The following PPP6R3 variants were observed in gnomAD, a reference collection of about 807,000 sequenced individuals.
PPP6R3 encodes serine/threonine-protein phosphatase 6 regulatory subunit 3.
A neutral mutation model predicts 110.7 loss-of-function variants in PPP6R3; 38 were observed. That is an observed-to-expected ratio of 0.34 (90% CI 0.26 to 0.45). The LOEUF (loss-of-function observed/expected upper bound fraction) is 0.45. Ranked by LOEUF, PPP6R3 falls within the 20% of genes least tolerant of loss-of-function variation. PPP6R3 has a pLI of 1.00. For missense variants in PPP6R3, 870 were observed against 1,062.4 expected (o/e 0.82, Z 2.52); for synonymous variants, 369 against 373.5 (o/e 0.99, Z 0.14).
At chr11:68,493,974 G>A (rs1353868335) in intron 1 of PPP6R3, among the ~76,000 whole-genome samples, 1 of 151,288 alleles carries the variant, frequency 6.6e-6, no homozygotes. Flanking sequence ...GTGGTGGCGG[G>A]AGCCTGTAGT....
chr11:68,513,063 C>CA (rs2099118575), intron 1 of PPP6R3, among the ~76,000 whole-genome samples: 1 of 152,084 alleles, frequency 6.6e-6, no homozygotes, highest in African/African-American at 2.4e-5. Flanking sequence ...TATACACCAG[C>CA]AGCCCCCTTG....
chr11:68,581,681 C>T (rs1361008390), intron 14 of PPP6R3, among the ~76,000 whole-genome samples: 4 of 152,200 alleles, frequency 2.6e-5, no homozygotes, highest in African/African-American at 9.7e-5. Flanking sequence ...ATTCCCACTC[C>T]TCCTCTACAC....
intron 2 of PPP6R3, among the ~76,000 whole-genome samples, chr11:68,530,707 T>C (rs2099234000): frequency 6.6e-6 from 1 of 152,212 alleles, no homozygotes; most frequent in Non-Finnish European, 1.5e-5. Flanking sequence ...CCTGTTTGGG[T>C]TCTGTCTTGA....
chr11:68,544,985 C>T lies in PPP6R3; in HGVS notation c.375C>T (p.Ser125=), dbSNP rs2099343799. ...PLNPLLASFF[S]KVLSILISRK... is the part of the protein sequence containing the mutation. Reference sequence around the variant, plus strand: ...ATCCACTACTTGCCAGTTTCTTCAGCAAGGTGCTAAGTATTCTTATCAGCA... The same window carrying T: ...ATCCACTACTTGCCAGTTTCTTCAGTAAGGTGCTAAGTATTCTTATCAGCA... The change falls in exon 4 of 24, where the codon AGC becomes AGT. Residue 125 remains serine (S), a synonymous_variant. Coordinates refer to ENST00000393800, the MANE Select transcript of PPP6R3 (RefSeq NM_001164161.2). 6.2e-7 allele frequency: 1 copy of T among 1,609,796 alleles called. No homozygotes were observed. The highest frequency in any genetic ancestry group is 1.3e-5 in the African/African-American group (1 of 74,802).
chr11:68,509,470 A>ATT (rs34228704), intron 1 of PPP6R3, among the ~76,000 whole-genome samples: 28,941 of 116,242 alleles, frequency 0.25, 3,451 homozygotes, highest in Middle Eastern at 0.32. Context: ...TTACTTCTCT[A>ATT]TTTTTTTTTT....
In PPP6R3 at chr11:68,564,286, C is replaced by G; in HGVS notation, c.846-17C>G. 6.3e-7 allele frequency: 1 copy of G among 1,589,968 alleles called. No homozygotes were observed. Among genetic ancestry groups the G allele is most frequent in the East Asian group, 2.3e-5 (1 of 44,350 alleles). On this transcript the variant is annotated splice_polypyrimidine_tract_variant and intron_variant, in intron 8 of 23. Coordinates refer to ENST00000393800, the MANE Select transcript of PPP6R3 (RefSeq NM_001164161.2). Reference sequence around the variant, plus strand: ...TTCTGAAATTATAATAACTAAAATTCCTTGCTTTGTTTCAAGATTTGAAGG... The same window carrying G: ...TTCTGAAATTATAATAACTAAAATTGCTTGCTTTGTTTCAAGATTTGAAGG...
intron 2 of PPP6R3, among the ~76,000 whole-genome samples, chr11:68,536,469 T>C (rs936772634): frequency 6.6e-6 from 1 of 152,144 alleles, no homozygotes; most frequent in Non-Finnish European, 1.5e-5. Flanking sequence ...CTCACTATGT[T>C]GTGTAGGCCG....
chr11:68,541,044 AG>A (rs1351411593), intron 3 of PPP6R3, among the ~76,000 whole-genome samples: 3 of 152,244 alleles, frequency 2.0e-5, no homozygotes, highest in Non-Finnish European at 2.9e-5. Flanking sequence ...GGAAAGCACA[AG>A]GGTATTGATT....
At chr11:68,562,967 C>T (rs1231742596) in intron 8 of PPP6R3, among the ~76,000 whole-genome samples, 2 of 152,012 alleles carry the variant, frequency 1.3e-5, no homozygotes, top group Non-Finnish European at 2.9e-5. Context: ...CACAGACTGC[C>T]AGAAAATATT....
In PPP6R3 at chr11:68,544,736, T is replaced by C. The variant is rs755332591; in HGVS notation, c.228-102T>C. ...TTTCCTGATTTCCAGTAAACGATTT[T>C]ATTTTTTTCACAAAATCTTGGGAAG... On this transcript the variant is annotated intron_variant, in intron 3 of 23. Coordinates refer to ENST00000393800, the MANE Select transcript of PPP6R3 (RefSeq NM_001164161.2). 72 of 780,152 alleles carry C rather than the reference T, an allele frequency of 9.2e-5. 1 individual carries two copies. The highest frequency in any genetic ancestry group is 1.3e-4 in the Non-Finnish European group (69 of 521,002). 48.3% of individuals were successfully genotyped at this position (780,152 alleles called of 1,614,324 possible). A position where few individuals can be genotyped will look rare whatever the true frequency, so the allele number is the denominator to read the frequency against.
intron 8 of PPP6R3, 136 bp downstream of exon 8, chr11:68,558,815 A>G (rs748455967): frequency 3.1e-6 from 2 of 647,882 alleles, no homozygotes; most frequent in Non-Finnish European, 2.6e-6. Context: ...TATATAAACC[A>G]TAGCCTAATT....
intron 1 of PPP6R3, among the ~76,000 whole-genome samples, chr11:68,494,341 T>C (rs2099002719): frequency 1.4e-5 from 2 of 139,088 alleles, no homozygotes; most frequent in South Asian, 4.4e-4. Context: ...CTGTCCCACA[T>C]GGTGAAAGCC....
chr11:68,536,635 C>CTAAA (rs763986105), intron 2 of PPP6R3, among the ~76,000 whole-genome samples: 4 of 152,108 alleles, frequency 2.6e-5, no homozygotes, highest in Admixed American at 2.0e-4. Flanking sequence ...CTTCCTTTTA[C>CTAAA]CTAGGCTCTT....
chr11:68,526,648 G>T (rs987864633), intron 2 of PPP6R3, among the ~76,000 whole-genome samples: 1 of 151,980 alleles, frequency 6.6e-6, no homozygotes, highest in Admixed American at 6.6e-5. Flanking sequence ...GCCTCTCCTC[G>T]GTTTCCTTCA....
chr11:68,610,521 C>T (rs1182529869), intron 23 of PPP6R3, among the ~76,000 whole-genome samples: 1 of 152,194 alleles, frequency 6.6e-6, no homozygotes, highest in Admixed American at 6.5e-5. Context: ...AAGTGACTCC[C>T]TGTAATCTTA....
At chr11:68,525,907 A>G (rs1036400763) in intron 2 of PPP6R3, among the ~76,000 whole-genome samples, 1 of 152,212 alleles carries the variant, frequency 6.6e-6, no homozygotes, top group Non-Finnish European at 1.5e-5. Context: ...GTTTCACTTA[A>G]TACAAACCAC....
At chr11:68,502,858 G>A (rs1204200422) in intron 1 of PPP6R3, among the ~76,000 whole-genome samples, 1 of 152,204 alleles carries the variant, frequency 6.6e-6, no homozygotes, top group Non-Finnish European at 1.5e-5. Flanking sequence ...ATGTCTACTA[G>A]TCATTGGGTT....
At chr11:68,548,026 C>T (rs1223828282) in intron 4 of PPP6R3, 41 bp from the exon 5 acceptor site, 1 of 1,583,696 alleles carries the variant, frequency 6.3e-7, no homozygotes, top group South Asian at 1.2e-5. Context: ...TTATAGTTTC[C>T]AAGTTACATG....
chr11:68,590,482 C>A (rs1308987575), intron 16 of PPP6R3, among the ~76,000 whole-genome samples, 178 bp from the exon 17 acceptor site: 1 of 152,146 alleles, frequency 6.6e-6, no homozygotes, highest in Non-Finnish European at 1.5e-5. Context: ...TACATAAATT[C>A]ATTAATACCA....
Sources: gnomAD v4.1 joint callset for allele counts (sites outside exome capture counted in the v4.1 genomes callset) on GRCh38, gnomAD v4.1.1 for gene constraint, MANE v1.5 for transcripts, NCBI Gene and HGNC (gene_info 2026-07-23, HGNC 2026-07-21) for gene names.